Variants in CERS3 observed in about 807,000 individuals in gnomAD.
CERS3 encodes LAG1 homolog, ceramide synthase 3.
A neutral mutation model predicts 50.3 loss-of-function variants in CERS3; 33 were observed. The observed-to-expected ratio is 0.66, with a 90% confidence interval of 0.50 to 0.88. CERS3 has a LOEUF of 0.88. CERS3 is among the 40% of genes least tolerant of loss of function. The pLI is 0.00. For synonymous variants in CERS3, 176 were observed against 155.2 expected, an observed-to-expected ratio of 1.13 and a Z score of -0.99; for missense variants, 470 against 460.3, an observed-to-expected ratio of 1.02 and a Z score of -0.19.
intron 11 of CERS3, among the ~76,000 whole-genome samples, chr15:100,441,090 C>G (rs1301397461): frequency 2.0e-5 from 3 of 152,176 alleles, no homozygotes; most frequent in Admixed American, 1.3e-4. Context: ...GGGGGAGGGG[C>G]AGGAACCCCG....
chr15:100,533,001 C>G (rs1473141150), upstream of CERS3, among the ~76,000 whole-genome samples: 3 of 152,204 alleles, frequency 2.0e-5, no homozygotes, highest in East Asian at 5.8e-4. Context: ...GATGAGAGGA[C>G]CTGAACTTCA....
chr15:100,533,042 C>T (rs2036978834), upstream of CERS3, among the ~76,000 whole-genome samples: 1 of 152,230 alleles, frequency 6.6e-6, no homozygotes, highest in Non-Finnish European at 1.5e-5. Flanking sequence ...TCCGCTTCCA[C>T]ACTCATCCTG....
chr15:100,482,904 C>A (rs1016694813), intron 5 of CERS3, among the ~76,000 whole-genome samples: 1 of 152,182 alleles, frequency 6.6e-6, no homozygotes, highest in African/African-American at 2.4e-5. Context: ...CTGTACAATT[C>A]AACATGGCAC....
intron 5 of CERS3, among the ~76,000 whole-genome samples, chr15:100,481,979 G>T (rs763352904): frequency 3.9e-5 from 6 of 152,158 alleles, no homozygotes; most frequent in Non-Finnish European, 1.5e-5. Flanking sequence ...CTGATGAAAC[G>T]TGCGCTTGTG....
intron 10 of CERS3, among the ~76,000 whole-genome samples, chr15:100,466,590 C>T (rs2034723751): frequency 6.6e-6 from 1 of 152,078 alleles, no homozygotes; most frequent in Non-Finnish European, 1.5e-5. Flanking sequence ...TTGAAATGCT[C>T]ACCCTTGAAA....
intron 11 of CERS3, among the ~76,000 whole-genome samples, chr15:100,414,459 CT>C (rs528789338): frequency 4.2e-4 from 64 of 152,224 alleles, no homozygotes; most frequent in Non-Finnish European, 7.9e-4. Flanking sequence ...AAAAAAGAGC[CT>C]ATATAGCCAA....
At position 100,422,920 on chromosome 15, in the gene CERS3, C is replaced by T. The variant is rs1206004241; in HGVS notation, c.1000-20055G>A. Among the ~76,000 whole-genome samples, 6 of 96,888 alleles carry T rather than the reference C, an allele frequency of 6.2e-5. No individual in the cohort carries two copies. The East Asian group carries it at 2.0e-3, about 32-fold the overall frequency. 63.6% of individuals were successfully genotyped at this position (96,888 alleles called of 152,430 possible). On this transcript the variant is annotated intron_variant, in intron 11 of 11. Coordinates refer to ENST00000679737, the MANE Select transcript of CERS3 (RefSeq NM_001378789.1). ...TGGACACAGGAAGGGGAATATCACA[C>T]TCTGGGGACTGTTGTGGGGTGGGGG...
chr15:100,450,139 G>A lies in CERS3; in HGVS notation c.999+5754C>T, dbSNP rs548517019. 3.3e-5 allele frequency among the ~76,000 whole-genome samples: 5 copies of A among 152,220 alleles called. No homozygotes were observed. In the East Asian group the frequency reaches 9.7e-4, roughly 29 times the overall value. Reference sequence around the variant, plus strand: ...AAATGCTTTAAAAATAGACTAGATTGGCCAGGTGTGGTGGCTCACTCCTGT... The same window carrying A: ...AAATGCTTTAAAAATAGACTAGATTAGCCAGGTGTGGTGGCTCACTCCTGT... On this transcript the variant is annotated intron_variant, in intron 11 of 11. Transcript: ENST00000679737.
chr15:100,502,251 G>GAAA lies in CERS3; in HGVS notation c.-1-404_-1-402dup, dbSNP rs58654483. On this transcript the variant is annotated intron_variant, in intron 2 of 11. Coordinates refer to ENST00000679737, the MANE Select transcript of CERS3 (RefSeq NM_001378789.1). Reference sequence around the variant, plus strand: ...AGAGCAAGACTCCACCTCAAAAAAAGAAAAAAAAAAAAAAAAAAAGAAAGA... The same window carrying GAAA: ...AGAGCAAGACTCCACCTCAAAAAAAGAAAAAAAAAAAAAAAAAAAAAAGAAAGA... 1.6e-4 allele frequency among the ~76,000 whole-genome samples: 18 copies of GAAA among 113,654 alleles called. No individual in the cohort carries two copies. In the South Asian group the frequency reaches 1.8e-3, roughly 11 times the overall value. The allele number at this position is 113,654 out of a possible 152,430, so 74.6% of individuals were successfully genotyped here.
At chr15:100,404,131 A>G (rs1004630235) in intron 11 of CERS3, among the ~76,000 whole-genome samples, 3 of 152,240 alleles carry the variant, frequency 2.0e-5, no homozygotes, top group Non-Finnish European at 2.9e-5. Context: ...GAAGCAGCAA[A>G]GAACAGATGC....
At chr15:100,466,812 C>CCTCCGTCT (rs2034745833) in intron 10 of CERS3, among the ~76,000 whole-genome samples, 1 of 16,208 alleles carries the variant, frequency 6.2e-5, no homozygotes, top group African/African-American at 1.3e-4. Flanking sequence ...TCCCTCCCTC[C>CCTCCGTCT]CTCCCTCTCT....
intron 11 of CERS3, among the ~76,000 whole-genome samples, chr15:100,430,678 T>C (rs2033080217): frequency 6.6e-6 from 1 of 152,234 alleles, no homozygotes; most frequent in Non-Finnish European, 1.5e-5. Context: ...CATTTTATGC[T>C]GTTTTGAAAG....
chr15:100,457,506 G>T (rs1422699048), intron 10 of CERS3, among the ~76,000 whole-genome samples: 1 of 152,202 alleles, frequency 6.6e-6, no homozygotes, highest in African/African-American at 2.4e-5. Flanking sequence ...GTTATCAATA[G>T]CATGCTCCTT....
chr15:100,543,307 C>T (rs569136261), intron 1 of CERS3, among the ~76,000 whole-genome samples: 24 of 152,286 alleles, frequency 1.6e-4, no homozygotes, highest in Middle Eastern at 3.4e-3. Flanking sequence ...TGCACACTTA[C>T]GCTGCCCAAA....
Position 100,413,346 on chromosome 15 carries a change from T to C in CERS3, c.1000-10481A>G, listed in dbSNP as rs574684295. On this transcript the variant is annotated intron_variant, in intron 11 of 11. Coordinates refer to ENST00000679737, the MANE Select transcript of CERS3 (RefSeq NM_001378789.1). ...AGACAGAGGATTAAGCCCACAAAAT[T>C]TGTATTAAAATTGAAATGAAGTTTG... Among the ~76,000 whole-genome samples, 10 of 152,240 alleles carry C rather than the reference T, an allele frequency of 6.6e-5. No homozygotes were observed. The South Asian group carries it at 2.1e-3, about 32-fold the overall frequency.
At chr15:100,416,697 G>A (rs764793785) in intron 11 of CERS3, among the ~76,000 whole-genome samples, 9 of 152,242 alleles carry the variant, frequency 5.9e-5, no homozygotes, top group Non-Finnish European at 1.2e-4. Flanking sequence ...TCACTATCAC[G>A]AGAACAGCAT....
chr15:100,482,325 G>C (rs143902743), intron 5 of CERS3, among the ~76,000 whole-genome samples: 2 of 152,286 alleles, frequency 1.3e-5, no homozygotes, highest in African/African-American at 4.8e-5. Flanking sequence ...TGAAAGGAGG[G>C]ACTGCAGGGT....
chr15:100,438,258 T>G (rs1201655854), intron 11 of CERS3, among the ~76,000 whole-genome samples: 1 of 151,902 alleles, frequency 6.6e-6, no homozygotes, highest in Non-Finnish European at 1.5e-5. Context: ...TTGGTTAGGC[T>G]GGTTTCAATC....
chr15:100,402,731 A>C lies in CERS3; in HGVS notation c.1134T>G (p.Asn378Lys). The C allele has an allele frequency of 6.2e-7, 1 of 1,614,166 alleles. No individual in the cohort carries two copies. The highest frequency in any genetic ancestry group is 1.1e-5 in the South Asian group (1 of 91,078). The change falls in exon 12 of 12, where the codon AAT becomes AAG. Residue 378 changes from asparagine to lysine, a missense_variant. Asn to Lys is a moderately conservative substitution (Grantham distance 94). Coordinates refer to ENST00000679737, the MANE Select transcript of CERS3 (RefSeq NM_001378789.1). The part of the protein sequence containing the change: ...GLRAERHLIP[N>K]GQHGH ...CTTCCAGCTAATGGCCATGCTGGCC[A>C]TTGGGAATGAGGTGCCTCTCAGCCC... is the stretch of plus-strand genomic sequence containing the variant.
Sources: gnomAD v4.1 joint callset for allele counts (sites outside exome capture counted in the v4.1 genomes callset) on GRCh38, gnomAD v4.1.1 for gene constraint, MANE v1.5 for transcripts, NCBI Gene and HGNC (gene_info 2026-07-23, HGNC 2026-07-21) for gene names.